EFNB2: variants seen among roughly 807,000 people sequenced by gnomAD.
The protein encoded by EFNB2 is ephrin B2.
A neutral mutation model predicts 32.1 loss-of-function variants in EFNB2; 5 were observed. That is an observed-to-expected ratio of 0.16 (90% CI 0.08 to 0.33). The LOEUF is 0.33. EFNB2 is among the 10% of genes least tolerant of loss of function. EFNB2 has a pLI of 1.00. For synonymous variants in EFNB2, 168 were observed against 166.5 expected (o/e 1.01, Z -0.07); for missense variants, 263 against 422.6 (o/e 0.62, Z 3.31).
chr13:106,532,768 G>C (rs1594180784), intron 1 of EFNB2, among the ~76,000 whole-genome samples: 1 of 147,746 alleles, frequency 6.8e-6, no homozygotes, highest in East Asian at 2.3e-4. Context: ...GAAACGCAGG[G>C]CCCTCGCAGG....
At position 106,493,285 on chromosome 13, in the gene EFNB2, G is replaced by C. The variant is rs745592223; in HGVS notation, c.757C>G (p.Arg253Gly). 1 of 1,613,990 alleles carries C rather than the reference G, an allele frequency of 6.2e-7. No homozygotes were observed. Among genetic ancestry groups the C allele is most frequent in the African/African-American group, 1.3e-5 (1 of 74,896 alleles). The change falls in exon 5 of 5, where the codon CGG becomes GGG. Residue 253 changes from arginine (R) to glycine (G), a missense_variant. This residue lies in a region of EFNB2 where 172 missense variants were observed against 237.1 expected (regional missense o/e 0.73). Transcript: ENST00000646441. This position sits in a 1 kb window ranked among gnomAD's most constrained non-coding sequence, Gnocchi z 6.1. ...ITLVVLLLKY[R>G]RRHRKHSPQH... ...GGCGAGTGCTTCCTGTGTCTCCTCC[G>C]GTACTTCAGCAAGAGGACCACCAGC...
At chr13:106,512,910 C>T (rs1879189831) in intron 1 of EFNB2, 98 bp from the exon 2 acceptor site, 1 of 986,260 alleles carries the variant, frequency 1.0e-6, no homozygotes, top group Non-Finnish European at 1.4e-6. Flanking sequence ...TCCCAAACTA[C>T]ACATTTTCAG....
At chr13:106,520,941 C>T (rs1374214084) in intron 1 of EFNB2, 3 of 152,048 alleles carry the variant, frequency 2.0e-5, no homozygotes, top group Non-Finnish European at 2.9e-5. Context: ...AAGTAATTAC[C>T]TTAAAACTTC....
rs115669699 is a variant in EFNB2 at position 106,525,911 on chromosome 13, A to G, written c.122+8932T>C. ...TGGTTAGATCCCTGATGCTCCCCCA[A>G]CAAGGCAAGGACTACAGATTTCTTC... On this transcript the variant is annotated intron_variant, in intron 1 of 4. Coordinates refer to ENST00000646441, the MANE Select transcript of EFNB2 (RefSeq NM_004093.4). 3.4e-3 allele frequency among the ~76,000 whole-genome samples: 511 copies of G among 152,284 alleles called. 1 individual carries two copies. The highest frequency in any genetic ancestry group is 0.012 in the African/African-American group (483 of 41,566).
chr13:106,496,307 C>G (rs1250240365), intron 2 of EFNB2, among the ~76,000 whole-genome samples: 2 of 152,212 alleles, frequency 1.3e-5, no homozygotes, highest in Non-Finnish European at 2.9e-5. Flanking sequence ...TGTCAAGCAT[C>G]CAAGTTCTGT....
Position 106,503,747 on chromosome 13 carries a change from A to G in EFNB2, c.407-7907T>C, listed in dbSNP as rs1274554844. 4.0e-5 allele frequency among the ~76,000 whole-genome samples: 6 copies of G among 151,814 alleles called. No homozygotes were observed. In the East Asian group the frequency reaches 5.8e-4, roughly 15 times the overall value. On this transcript the variant is annotated intron_variant, in intron 2 of 4. Coordinates refer to ENST00000646441, the MANE Select transcript of EFNB2 (RefSeq NM_004093.4). The stretch of plus-strand genomic sequence containing the variant: ...CTCTTTCCTTGTATATAAGCCCCCA[A>G]TAAAACCCCATGTCTTGAAAAAAAA...
chr13:106,500,924 C>G (rs563903946), intron 2 of EFNB2, among the ~76,000 whole-genome samples: 1 of 152,128 alleles, frequency 6.6e-6, no homozygotes, highest in African/African-American at 2.4e-5. Context: ...CAACAACAAA[C>G]CAAACTGTAT....
At chr13:106,499,085 G>C (rs567755684) in intron 2 of EFNB2, among the ~76,000 whole-genome samples, 5 of 152,212 alleles carry the variant, frequency 3.3e-5, no homozygotes, top group South Asian at 2.1e-4. Flanking sequence ...GGTACTAACT[G>C]AAACTCCAGG....
At chr13:106,512,392 A>AGG (rs59267623) in intron 2 of EFNB2, 137 bp downstream of exon 2, 91,563 of 292,056 alleles carry the variant, frequency 0.31, 13,152 homozygotes, top group Non-Finnish European at 0.34. Flanking sequence ...AAAAAAAAAA[A>AGG]GGGGGGGGGG....
At chr13:106,506,272 C>T (rs749766652) in intron 2 of EFNB2, 37 of 152,156 alleles carry the variant, frequency 2.4e-4, no homozygotes, top group Non-Finnish European at 4.7e-4. Flanking sequence ...CGATTTATAC[C>T]ACATTAGGAT....
At chr13:106,527,391 C>G (rs752382316) in intron 1 of EFNB2, among the ~76,000 whole-genome samples, 1 of 152,126 alleles carries the variant, frequency 6.6e-6, no homozygotes, top group Non-Finnish European at 1.5e-5. Flanking sequence ...GTAGTTTGAA[C>G]GCTTACTTAC....
chr13:106,531,590 G>C (rs1338442411), intron 1 of EFNB2, among the ~76,000 whole-genome samples: 1 of 152,164 alleles, frequency 6.6e-6, no homozygotes, highest in African/African-American at 2.4e-5. Context: ...ATATGTTATT[G>C]AATGGACTGT....
rs370296266 is a variant in EFNB2, at chr13:106,535,154, G to A, written c.-190C>T. Reference sequence around the variant, plus strand: ...GCTCGCTCTCCGGGGCCCTCAGGGCGCGGGGCGGGAGCGCACGCGCGGGGC... The same window carrying A: ...GCTCGCTCTCCGGGGCCCTCAGGGCACGGGGCGGGAGCGCACGCGCGGGGC... On this transcript the variant is annotated 5_prime_UTR_variant, in exon 1 of 5. Coordinates refer to ENST00000646441, the MANE Select transcript of EFNB2 (RefSeq NM_004093.4). 1,060 of 429,108 alleles carry A rather than the reference G, an allele frequency of 2.5e-3. 13 individuals are homozygous for A. Among genetic ancestry groups the A allele is most frequent in the African/African-American group, 0.021 (986 of 46,690 alleles). 26.6% of individuals were successfully genotyped at this position (429,108 alleles called of 1,614,324 possible).
chr13:106,513,866 G>A (rs998123653), intron 1 of EFNB2, among the ~76,000 whole-genome samples: 3 of 152,020 alleles, frequency 2.0e-5, no homozygotes, highest in South Asian at 2.1e-4. Context: ...AACCAGAGAC[G>A]CCCACCAGCC....
intron 1 of EFNB2, among the ~76,000 whole-genome samples, chr13:106,531,385 A>T (rs1011219994): frequency 9.2e-5 from 14 of 152,354 alleles, no homozygotes; most frequent in African/African-American, 3.1e-4. Flanking sequence ...AATGTGAGGA[A>T]TGTGGATGTG....
chr13:106,515,240 G>A (rs529107111), intron 1 of EFNB2, among the ~76,000 whole-genome samples: 4 of 152,260 alleles, frequency 2.6e-5, no homozygotes, highest in South Asian at 4.1e-4. Context: ...TTCAGAAGGC[G>A]TAAGTCATAT....
At chr13:106,532,056 TAAAAAAAAAAC>T (rs1879888993) in intron 1 of EFNB2, among the ~76,000 whole-genome samples, 3 of 92,600 alleles carry the variant, frequency 3.2e-5, no homozygotes, top group Non-Finnish European at 6.4e-5. Flanking sequence ...TCTGCTGAAT[TAAAAAAAAAAC>T]AAAAAAAAAA....
intron 1 of EFNB2, among the ~76,000 whole-genome samples, chr13:106,514,924 A>C (rs896899128): frequency 6.6e-6 from 1 of 152,142 alleles, no homozygotes; most frequent in African/African-American, 2.4e-5. Context: ...CCCCCTCCCA[A>C]GCTGTACATC....
Position 106,493,484 on chromosome 13 carries a change from C to T in EFNB2, c.614-56G>A, listed in dbSNP as rs967483713. On this transcript the variant is annotated intron_variant, in intron 4 of 4. Coordinates refer to ENST00000646441, the MANE Select transcript of EFNB2 (RefSeq NM_004093.4). This position sits in a 1 kb window ranked among gnomAD's most constrained non-coding sequence, Gnocchi z 6.1. ...ATAGTTACTGCTGTCCCAGTGCAGA[C>T]GGACTGCTTTTATGACCCTTAAAAA... 7.1e-5 allele frequency: 110 copies of T among 1,543,160 alleles called. 1 individual carries two copies. In the South Asian group the frequency reaches 7.2e-4, roughly 10 times the overall value.
Sources: gnomAD v4.1 joint callset for allele counts (sites outside exome capture counted in the v4.1 genomes callset) on GRCh38, gnomAD v4.1.1 for gene constraint, gnomAD v4.1.1 regional missense constraint, Gnocchi (gnomAD v3.1) non-coding constraint, MANE v1.5 for transcripts, NCBI Gene and HGNC (gene_info 2026-07-23, HGNC 2026-07-21) for gene names.